PRKN: variants seen among roughly 807,000 people sequenced by gnomAD.
The protein encoded by PRKN is parkin RBR E3 ubiquitin protein ligase.
Under a neutral mutation model 59.5 loss-of-function variants are expected in PRKN, and 56 were observed. That is an observed-to-expected ratio of 0.94 (90% CI 0.76 to 1.18). PRKN has a LOEUF of 1.18. PRKN is among the 50% of genes most tolerant of loss of function. The pLI is 0.00. For missense variants in PRKN, 657 were observed against 596.4 expected, an observed-to-expected ratio of 1.10 and a Z score of -1.06; for synonymous variants, 250 against 222.1, an observed-to-expected ratio of 1.13 and a Z score of -1.12.
chr6:161,573,580 C>T lies in PRKN; in HGVS notation c.872-4164G>A, dbSNP rs553892461. 8.1e-4 allele frequency among the ~76,000 whole-genome samples: 121 copies of T among 149,740 alleles called. 1 individual carries two copies. The highest frequency in any genetic ancestry group is 1.4e-3 in the Non-Finnish European group (91 of 67,142). ...CTAAAAATACAAAAAATTAGCCTGGCGTGGTGGCGGGCGCCTGTAGTCCCA... is the reference window on the plus strand; with the variant it reads ...CTAAAAATACAAAAAATTAGCCTGGTGTGGTGGCGGGCGCCTGTAGTCCCA... On this transcript the variant is annotated intron_variant, in intron 7 of 11. Coordinates refer to ENST00000366898, the MANE Select transcript of PRKN (RefSeq NM_004562.3).
chr6:162,547,183 C>T (rs1174232977), intron 1 of PRKN, among the ~76,000 whole-genome samples: 4 of 152,164 alleles, frequency 2.6e-5, no homozygotes, highest in Non-Finnish European at 5.9e-5. Context: ...CACATCATTA[C>T]AGAATTTTTC....
intron 2 of PRKN, among the ~76,000 whole-genome samples, chr6:162,313,144 C>T (rs147376504): frequency 2.6e-3 from 394 of 152,150 alleles, no homozygotes; most frequent in African/African-American, 8.9e-3. Flanking sequence ...TGCCATCTTA[C>T]CCATCTCTAA....
intron 2 of PRKN, among the ~76,000 whole-genome samples, chr6:162,386,812 T>C (rs1202179444): frequency 6.6e-6 from 1 of 152,210 alleles, no homozygotes; most frequent in African/African-American, 2.4e-5. Flanking sequence ...AAAATATGAT[T>C]TTATAGTTTC....
chr6:161,664,044 G>C (rs2128166476), intron 7 of PRKN, among the ~76,000 whole-genome samples: 1 of 152,260 alleles, frequency 6.6e-6, no homozygotes, highest in South Asian at 2.1e-4. Flanking sequence ...AAACCCCTTT[G>C]ATTTATCAAT....
In PRKN at chr6:161,410,470, G is replaced by T. The variant is rs117720470; in HGVS notation, c.1084-23593C>A. On this transcript the variant is annotated intron_variant, in intron 9 of 11. Transcript: ENST00000366898. The surrounding 1 kb of genome is among the most constrained non-coding windows in gnomAD (Gnocchi z 5.3). ...GGGCTTCCCAACCAACTGTAAGGGGGCTGCTGGTTTGAGCTTTTCAGGTTT... is the reference window on the plus strand; with the variant it reads ...GGGCTTCCCAACCAACTGTAAGGGGTCTGCTGGTTTGAGCTTTTCAGGTTT... 1.3e-5 allele frequency among the ~76,000 whole-genome samples: 2 copies of T among 152,140 alleles called. No homozygotes were observed. Among genetic ancestry groups the T allele is most frequent in the Non-Finnish European group, 2.9e-5 (2 of 68,034 alleles).
intron 4 of PRKN, among the ~76,000 whole-genome samples, chr6:162,180,862 C>T (rs1188176437): frequency 2.0e-5 from 3 of 152,144 alleles, no homozygotes; most frequent in Admixed American, 1.3e-4. Flanking sequence ...AAATGCATCC[C>T]CATATATTAA....
intron 6 of PRKN, among the ~76,000 whole-genome samples, chr6:161,811,159 A>G (rs1404797121): frequency 1.3e-5 from 2 of 152,208 alleles, no homozygotes; most frequent in African/African-American, 2.4e-5. Context: ...ATGAAACAAA[A>G]TCTCAGGCCT....
intron 7 of PRKN, among the ~76,000 whole-genome samples, chr6:161,629,136 T>G (rs1274355764): frequency 6.6e-6 from 1 of 152,056 alleles, no homozygotes; most frequent in South Asian, 2.1e-4. Flanking sequence ...GAAGGCAGGC[T>G]AGGGATGCTC....
At chr6:161,981,005 T>A (rs1212962012) in intron 5 of PRKN, among the ~76,000 whole-genome samples, 1 of 152,242 alleles carries the variant, frequency 6.6e-6, no homozygotes, top group African/African-American at 2.4e-5. Context: ...TAAACTCAAC[T>A]ATACTCGTCA....
chr6:162,010,944 T>C lies in PRKN; in HGVS notation c.619-37527A>G, dbSNP rs1360820382. On this transcript the variant is annotated intron_variant, in intron 5 of 11. Transcript: ENST00000366898. The stretch of plus-strand genomic sequence containing the variant: ...ATAATATATAATATAATATATAATA[T>C]ATAATATATAATTAATATAAATAAT... Among the ~76,000 whole-genome samples the C allele has an allele frequency of 8.9e-5, 2 of 22,490 alleles. 1 individual carries two copies. The highest frequency in any genetic ancestry group is 1.3e-4 in the Non-Finnish European group (2 of 15,306). The allele number at this position is 22,490 out of a possible 152,430, so 14.8% of individuals were successfully genotyped here.
Position 162,412,278 on chromosome 6 carries a change from C to T in PRKN, c.171+31032G>A, listed in dbSNP as rs79784458. On this transcript the variant is annotated intron_variant, in intron 2 of 11. Coordinates refer to ENST00000366898, the MANE Select transcript of PRKN (RefSeq NM_004562.3). ...TTGCTGAGTTTGTGTCATATCCTAC[C>T]GTGAGGATGGCATATCTAGAGCAAG... Among the ~76,000 whole-genome samples the T allele has an allele frequency of 2.5e-3, 374 of 152,088 alleles. 4 individuals carry two copies. The East Asian group carries it at 0.037, about 15-fold the overall frequency.
At chr6:161,960,130 C>T (rs1327546184) in intron 6 of PRKN, among the ~76,000 whole-genome samples, 1 of 152,126 alleles carries the variant, frequency 6.6e-6, no homozygotes, top group Non-Finnish European at 1.5e-5. Flanking sequence ...TAACTTGGCT[C>T]CCCGCTTTGG....
At position 161,369,373 on chromosome 6, in the gene PRKN, G is replaced by A. The variant is rs1785349517; in HGVS notation, c.1168-9168C>T. Among the ~76,000 whole-genome samples the A allele has an allele frequency of 6.6e-6, 1 of 152,184 alleles. No homozygotes were observed. Among genetic ancestry groups the A allele is most frequent in the Non-Finnish European group, 1.5e-5 (1 of 68,034 alleles). ...CCTAAGGGGTTGCGAGGGGCGGGAG[G>A]TTTGGGAACCATTCATCCTCTGGAG... On this transcript the variant is annotated intron_variant, in intron 10 of 11. Transcript: ENST00000366898. The surrounding 1 kb of genome is among the most constrained non-coding windows in gnomAD (Gnocchi z 5.8).
chr6:161,350,684 A>G (rs1362565291), intron 11 of PRKN, among the ~76,000 whole-genome samples: 1 of 40,258 alleles, frequency 2.5e-5, no homozygotes, highest in Non-Finnish European at 3.8e-5. Flanking sequence ...AAATATATAT[A>G]TTTTTATATA....
intron 4 of PRKN, among the ~76,000 whole-genome samples, chr6:162,164,211 T>C (rs1268852962): frequency 6.7e-6 from 1 of 148,972 alleles, no homozygotes; most frequent in Non-Finnish European, 1.5e-5. Context: ...TTTTGAGTGG[T>C]CAACCTGTGT....
intron 4 of PRKN, among the ~76,000 whole-genome samples, chr6:162,121,272 A>G (rs1484573356): frequency 6.6e-6 from 1 of 152,196 alleles, no homozygotes; most frequent in Non-Finnish European, 1.5e-5. Context: ...TCTGAATAAG[A>G]TGTATGCCAA....
At chr6:162,451,910 T>C (rs552780400) in intron 1 of PRKN, among the ~76,000 whole-genome samples, 122 of 152,260 alleles carry the variant, frequency 8.0e-4, no homozygotes, top group African/African-American at 2.7e-3. Flanking sequence ...AGGATAAATA[T>C]GAACGTGCTT....
chr6:162,690,141 A>G (rs570876395), intron 1 of PRKN, among the ~76,000 whole-genome samples: 24 of 39,958 alleles, frequency 6.0e-4, no homozygotes, highest in South Asian at 2.3e-3. Context: ...ATACAAATTA[A>G]GCCTCTGATT....
intron 2 of PRKN, among the ~76,000 whole-genome samples, chr6:162,301,475 C>T (rs2128113562): frequency 6.6e-6 from 1 of 152,228 alleles, no homozygotes; most frequent in East Asian, 1.9e-4. Context: ...GCCTAGACAA[C>T]AGACACTGAT....
Sources: gnomAD v4.1 joint callset for allele counts (sites outside exome capture counted in the v4.1 genomes callset) on GRCh38, gnomAD v4.1.1 for gene constraint, Gnocchi (gnomAD v3.1) non-coding constraint, MANE v1.5 for transcripts, NCBI Gene and HGNC (gene_info 2026-07-23, HGNC 2026-07-21) for gene names.